The following GNA12 variants were observed in gnomAD, a reference collection of about 807,000 sequenced individuals.
The protein encoded by GNA12 is G protein subunit alpha 12, also known as guanine nucleotide-binding protein subunit alpha-12.
In GNA12, 9 loss-of-function variants were observed where a neutral mutation model predicts 26.0. The observed-to-expected ratio is 0.35, with a 90% CI of 0.21 to 0.60. The LOEUF (loss-of-function observed/expected upper bound fraction) is 0.60. Among genes scored for constraint, GNA12 ranks in the 20% least tolerant of loss-of-function variants. The pLI is 0.78. For synonymous variants in GNA12, 264 were observed against 219.6 expected (o/e 1.20, Z -1.79); for missense variants, 405 against 525.8 (o/e 0.77, Z 2.25).
At chr7:2,797,702 G>T (rs1168651181) in intron 1 of GNA12, among the ~76,000 whole-genome samples, 1 of 152,144 alleles carries the variant, frequency 6.6e-6, no homozygotes, top group African/African-American at 2.4e-5. Flanking sequence ...CCAAAGAGTA[G>T]TTGAAAGTCT....
intron 2 of GNA12, among the ~76,000 whole-genome samples, chr7:2,761,522 G>C (rs949816219): frequency 1.3e-5 from 2 of 152,196 alleles, no homozygotes; most frequent in Non-Finnish European, 2.9e-5. Context: ...TGACTAAAAA[G>C]AGCTGGAACG....
Position 2,798,322 on chromosome 7 carries a change from T to G in GNA12, c.310-3179A>C, listed in dbSNP as rs372493076. Reference sequence around the variant, plus strand: ...CAAAAAAACTCCTAGAATAAACAAATGAATCCAGAATAGTTGCAGGATATA... The same window carrying G: ...CAAAAAAACTCCTAGAATAAACAAAGGAATCCAGAATAGTTGCAGGATATA... On this transcript the variant is annotated intron_variant, in intron 1 of 3. Coordinates refer to ENST00000275364, the MANE Select transcript of GNA12 (RefSeq NM_007353.3). Among the ~76,000 whole-genome samples, 5 of 152,254 alleles carry G rather than the reference T, an allele frequency of 3.3e-5. No homozygotes were observed. The South Asian group carries it at 1.0e-3, about 32-fold the overall frequency.
intron 2 of GNA12, among the ~76,000 whole-genome samples, chr7:2,771,206 G>A (rs375906829): frequency 2.0e-5 from 3 of 152,048 alleles, no homozygotes; most frequent in South Asian, 4.2e-4. Context: ...CAGGAGAATC[G>A]CTTGAACCTG....
chr7:2,828,874 G>A (rs1793540355), intron 1 of GNA12, among the ~76,000 whole-genome samples: 1 of 152,064 alleles, frequency 6.6e-6, no homozygotes, highest in South Asian at 2.1e-4. Context: ...TGGGCAACAT[G>A]GCAAAATCTA....
At chr7:2,737,274 G>GTTTTGTTTTT (rs1790242698) in intron 2 of GNA12, among the ~76,000 whole-genome samples, 1 of 35,032 alleles carries the variant, frequency 2.9e-5, no homozygotes, top group African/African-American at 9.9e-5. Flanking sequence ...GTTTTGTTTT[G>GTTTTGTTTTT]TTTTTTTTTT....
intron 1 of GNA12, among the ~76,000 whole-genome samples, chr7:2,816,552 GAT>G (rs750849218): frequency 1.3e-5 from 2 of 152,132 alleles, no homozygotes; most frequent in Non-Finnish European, 1.5e-5. Context: ...TTTTTTAAAT[GAT>G]ATATTCAAAA....
intron 2 of GNA12, among the ~76,000 whole-genome samples, chr7:2,774,497 G>C (rs543999727): frequency 6.6e-6 from 1 of 152,204 alleles, no homozygotes; most frequent in Admixed American, 6.5e-5. Flanking sequence ...GGGAGGCCCT[G>C]AGTGTGCAGG....
chr7:2,822,109 T>TA (rs1793382642), intron 1 of GNA12, among the ~76,000 whole-genome samples: 1 of 151,644 alleles, frequency 6.6e-6, no homozygotes, highest in African/African-American at 2.4e-5. Flanking sequence ...CAAACCTAGC[T>TA]AAAAAACGTT....
intron 1 of GNA12, among the ~76,000 whole-genome samples, chr7:2,806,088 T>G (rs1792939480): frequency 6.6e-6 from 1 of 152,270 alleles, no homozygotes; most frequent in Non-Finnish European, 1.5e-5. Context: ...CTCCTTAATG[T>G]GGCTACTAGA....
At chr7:2,843,594 C>A (rs1562454864) in intron 1 of GNA12, among the ~76,000 whole-genome samples, 2 of 151,834 alleles carry the variant, frequency 1.3e-5, no homozygotes, top group African/African-American at 4.8e-5. Context: ...CTGCAGTGAG[C>A]TGTGAGGGCG....
chr7:2,737,660 G>T (rs921547426), intron 2 of GNA12, among the ~76,000 whole-genome samples: 1 of 152,142 alleles, frequency 6.6e-6, no homozygotes, highest in African/African-American at 2.4e-5. Context: ...CACTGTGACC[G>T]AAAACAGGGC....
chr7:2,747,488 T>C (rs975395456), intron 2 of GNA12, among the ~76,000 whole-genome samples: 1 of 152,168 alleles, frequency 6.6e-6, no homozygotes, highest in Non-Finnish European at 1.5e-5. Context: ...TGCTAAAAAC[T>C]CTCAACAAAT....
intron 1 of GNA12, among the ~76,000 whole-genome samples, chr7:2,836,492 T>G (rs939491389): frequency 2.0e-5 from 3 of 152,132 alleles, no homozygotes; most frequent in Non-Finnish European, 2.9e-5. Context: ...GGATGGGCGC[T>G]GCAGAAGCCT....
chr7:2,776,363 G>A (rs924535453), intron 2 of GNA12, among the ~76,000 whole-genome samples: 5 of 152,176 alleles, frequency 3.3e-5, no homozygotes, highest in Admixed American at 2.6e-4. Context: ...TCTGGACACC[G>A]ACCGTCATTT....
intron 2 of GNA12, among the ~76,000 whole-genome samples, chr7:2,772,719 G>A (rs992078211): frequency 1.3e-5 from 2 of 152,168 alleles, no homozygotes; most frequent in Non-Finnish European, 2.9e-5. Flanking sequence ...CCACACTGCT[G>A]GAGAGACTAT....
chr7:2,799,702 G>C (rs750292749), intron 1 of GNA12, among the ~76,000 whole-genome samples: 38 of 152,128 alleles, frequency 2.5e-4, no homozygotes, highest in Non-Finnish European at 4.3e-4. Flanking sequence ...AAATGGGCAA[G>C]ACATGATGAG....
At chr7:2,742,378 CCA>C (rs1251880142) in intron 2 of GNA12, among the ~76,000 whole-genome samples, 2 of 152,138 alleles carry the variant, frequency 1.3e-5, no homozygotes, top group Non-Finnish European at 2.9e-5. Context: ...TGCGATGTCT[CCA>C]GTGTTTAACA....
intron 1 of GNA12, among the ~76,000 whole-genome samples, chr7:2,841,407 G>A (rs141101693): frequency 6.6e-6 from 1 of 152,158 alleles, no homozygotes; most frequent in Non-Finnish European, 1.5e-5. Context: ...GCCTGGTTCT[G>A]AGGTCTGGGC....
chr7:2,805,014 C>CA (rs1792911054), intron 1 of GNA12, among the ~76,000 whole-genome samples: 1 of 152,132 alleles, frequency 6.6e-6, no homozygotes, highest in Admixed American at 6.5e-5. Context: ...GTGGCACCCC[C>CA]AGGCAGTGTT....
Sources: gnomAD v4.1 joint callset for allele counts (sites outside exome capture counted in the v4.1 genomes callset) on GRCh38, gnomAD v4.1.1 for gene constraint, MANE v1.5 for transcripts, NCBI Gene and HGNC (gene_info 2026-07-23, HGNC 2026-07-21) for gene names.